The following UBE2V2 variants were observed in gnomAD, a reference collection of about 807,000 sequenced individuals.
UBE2V2 encodes ubiquitin conjugating enzyme E2 V2, also known as ubiquitin-conjugating enzyme E2 variant 2.
A neutral mutation model predicts 17.2 loss-of-function variants in UBE2V2; 9 were observed. That is an observed-to-expected ratio of 0.52 (90% confidence interval 0.32 to 0.91). The LOEUF (loss-of-function observed/expected upper bound fraction) is 0.91. Among genes scored for constraint, UBE2V2 ranks in the 40% least tolerant of loss-of-function variants. The pLI is 0.04. For missense variants in UBE2V2, 133 were observed against 182.6 expected (o/e 0.73, Z 1.56); for synonymous variants, 61 against 57.5 (o/e 1.06, Z -0.28).
At position 48,043,149 on chromosome 8, in the gene UBE2V2, AG is replaced by A; in HGVS notation, c.135del (p.Arg45SerfsTer5). On this transcript the variant is annotated frameshift_variant, in exon 2 of 4. Transcript: ENST00000523111. LOFTEE classifies it high-confidence loss of function. ...AGATGATGAAGATATGACACTTACA[AG>A]GTGGACAGGCATGATTATTGGGCCA... ...LEDDEDMTLTRWTGMIIGPPR... is the reference protein window; with the variant it reads ...LEDDEDMTLTXWTGMIIGPPR... The A allele has an allele frequency of 6.3e-7, 1 of 1,580,710 alleles. No individual in the cohort carries two copies. The highest frequency in any genetic ancestry group is 8.6e-7 in the Non-Finnish European group (1 of 1,160,904).
At chr8:48,040,084 A>G (rs867174792) in intron 1 of UBE2V2, among the ~76,000 whole-genome samples, 4 of 151,886 alleles carry the variant, frequency 2.6e-5, no homozygotes, top group Non-Finnish European at 4.4e-5. Context: ...GATTTGCAGA[A>G]AAGTTAACAT....
chr8:48,021,288 A>G (rs1226753344), intron 1 of UBE2V2, among the ~76,000 whole-genome samples: 1 of 143,928 alleles, frequency 6.9e-6, no homozygotes, highest in African/African-American at 2.6e-5. Context: ...TGTGTTGGCT[A>G]GGCTGGTCTC....
chr8:48,023,861 A>G lies in UBE2V2; in HGVS notation c.16+15391A>G, dbSNP rs149696073. Among the ~76,000 whole-genome samples the G allele has an allele frequency of 6.8e-3, 1,036 of 152,114 alleles. 7 individuals are homozygous for G. The highest frequency in any genetic ancestry group is 0.024 in the South Asian group (117 of 4,818). ...ACTGTACTCCAGCTTGGGTGGCAGA[A>G]TGAGACCCTGTCTCAAAAAAACAAA... On this transcript the variant is annotated intron_variant, in intron 1 of 3. Coordinates refer to ENST00000523111, the MANE Select transcript of UBE2V2 (RefSeq NM_003350.3).
At chr8:47,997,452 A>C in the UBE2V2 span, among the ~76,000 whole-genome samples, 5 of 152,156 alleles carry the variant, frequency 3.3e-5, no homozygotes, top group East Asian at 9.7e-4. Context: ...AATCTTGCCA[A>C]TGGAAGTCAT....
intron 1 of UBE2V2, among the ~76,000 whole-genome samples, chr8:48,033,201 T>G (rs938864872): frequency 6.6e-6 from 1 of 152,142 alleles, no homozygotes; most frequent in African/African-American, 2.4e-5. Flanking sequence ...ATTTTTTTTT[T>G]CCTGAGACGG....
intron 1 of UBE2V2, among the ~76,000 whole-genome samples, chr8:48,038,928 A>ATT (rs757136193): frequency 4.7e-5 from 6 of 127,362 alleles, no homozygotes; most frequent in African/African-American, 8.7e-5. Context: ...AATAATCCTG[A>ATT]TTTTTTTTTT....
At chr8:48,004,376 C>A (rs2091169981), upstream of UBE2V2, among the ~76,000 whole-genome samples, 1 of 152,078 alleles carries the variant, frequency 6.6e-6, no homozygotes, top group Non-Finnish European at 1.5e-5. Flanking sequence ...TTTCTCTGCA[C>A]TGGTAAGAAA....
intron 1 of UBE2V2, among the ~76,000 whole-genome samples, chr8:48,015,480 CAT>C (rs1466688802): frequency 2.0e-5 from 3 of 152,200 alleles, no homozygotes; most frequent in Admixed American, 6.5e-5. Flanking sequence ...CATTATCTCA[CAT>C]AGTTATCATT....
intron 1 of UBE2V2, among the ~76,000 whole-genome samples, chr8:48,014,239 A>G (rs2091252595): frequency 6.6e-6 from 1 of 152,204 alleles, no homozygotes; most frequent in Admixed American, 6.5e-5. Context: ...TGGCAGAGGT[A>G]AAAATGGCCA....
At chr8:48,053,457 T>A (rs560556243) in intron 3 of UBE2V2, among the ~76,000 whole-genome samples, 11 of 147,032 alleles carry the variant, frequency 7.5e-5, no homozygotes, top group Non-Finnish European at 1.5e-4. Flanking sequence ...GGAGTCTCAC[T>A]CTGTCTCCCA....
chr8:48,004,442 C>T (rs2091170276), upstream of UBE2V2, among the ~76,000 whole-genome samples: 1 of 150,824 alleles, frequency 6.6e-6, no homozygotes, highest in Non-Finnish European at 1.5e-5. Flanking sequence ...CTCATTTTGG[C>T]TTGTCAAGTT....
chr8:48,059,632 C>T (rs2154508288), intron 3 of UBE2V2, among the ~76,000 whole-genome samples: 1 of 151,968 alleles, frequency 6.6e-6, no homozygotes, highest in East Asian at 2.0e-4. Context: ...ATGCTGGTCT[C>T]AAACTCCTGA....
intron 1 of UBE2V2, among the ~76,000 whole-genome samples, chr8:48,024,610 G>A (rs558303178): frequency 2.7e-4 from 41 of 151,126 alleles, no homozygotes; most frequent in African/African-American, 8.7e-4. Context: ...AAAAAAAAAA[G>A]AGATTCTTAA....
At chr8:48,034,058 C>G (rs1338323445) in intron 1 of UBE2V2, among the ~76,000 whole-genome samples, 1 of 152,040 alleles carries the variant, frequency 6.6e-6, no homozygotes, top group Non-Finnish European at 1.5e-5. Flanking sequence ...CTCCCTATTT[C>G]CTTTCCAGCT....
At chr8:48,012,108 C>G (rs1479704261) in intron 1 of UBE2V2, among the ~76,000 whole-genome samples, 2 of 152,194 alleles carry the variant, frequency 1.3e-5, no homozygotes, top group African/African-American at 4.8e-5. Context: ...GTCTGATGCG[C>G]TCTCCATTAT....
At chr8:48,016,713 C>T (rs1217215042) in intron 1 of UBE2V2, among the ~76,000 whole-genome samples, 1 of 151,144 alleles carries the variant, frequency 6.6e-6, no homozygotes, top group Non-Finnish European at 1.5e-5. Context: ...AACTCCCAAC[C>T]TCAGGTGATC....
intron 1 of UBE2V2, among the ~76,000 whole-genome samples, chr8:48,034,307 A>T (rs996203826): frequency 1.3e-5 from 2 of 151,814 alleles, no homozygotes; most frequent in Admixed American, 6.6e-5. Flanking sequence ...TTGTATTTTT[A>T]GTAGAGATGG....
chr8:48,012,734 A>G (rs1391161825), intron 1 of UBE2V2, among the ~76,000 whole-genome samples: 3 of 152,250 alleles, frequency 2.0e-5, no homozygotes, highest in Admixed American at 1.3e-4. Context: ...AAAAAAGAAA[A>G]AAAGCGTGTG....
At chr8:48,008,895 G>A (rs1039355283) in intron 1 of UBE2V2, among the ~76,000 whole-genome samples, 1 of 152,288 alleles carries the variant, frequency 6.6e-6, no homozygotes, top group South Asian at 2.1e-4. Flanking sequence ...TCAGAGTAGG[G>A]GTCCCATTCC....
Sources: allele counts gnomAD v4.1 joint callset (sites outside exome capture counted in the v4.1 genomes callset), GRCh38; gene constraint gnomAD v4.1.1; transcripts MANE v1.5; gene names NCBI Gene and HGNC (gene_info 2026-07-23, HGNC 2026-07-21).